Variants in ADK observed in about 807,000 individuals in gnomAD.
ADK encodes the protein N6,N6-dimethyladenosine kinase.
ADK carries 24 observed loss-of-function variants against 44.7 expected under a neutral mutation model. The ratio of observed to expected loss-of-function variants is 0.54; its 90% CI spans 0.39 to 0.76. ADK has a LOEUF of 0.76. ADK is among the 30% of genes least tolerant of loss of function. ADK has a pLI of 0.00. For missense variants in ADK, 321 were observed against 425.1 expected (o/e 0.76, Z 2.15); for synonymous variants, 128 against 142.6 (o/e 0.90, Z 0.73).
chr10:74,708,241 T>C, intron 10 of ADK, 80 bp from the exon 11 acceptor site: 1 of 1,448,474 alleles, frequency 6.9e-7, no homozygotes, highest in Non-Finnish European at 9.5e-7. Flanking sequence ...GGTGCTTAGA[T>C]CATATATTGG....
chr10:74,655,676 G>A (rs543101783), intron 9 of ADK: 6 of 468,740 alleles, frequency 1.3e-5, no homozygotes, highest in Middle Eastern at 1.1e-3. Context: ...CGGGCCTCCC[G>A]AAGGACATAT....
chr10:74,437,393 T>G (rs1181307464), intron 6 of ADK, among the ~76,000 whole-genome samples: 2 of 152,316 alleles, frequency 1.3e-5, no homozygotes, highest in East Asian at 3.9e-4. Context: ...TTTAGATTAT[T>G]ATATGCAAAT....
At chr10:74,567,699 G>GTTTTTT (rs56042541) in intron 7 of ADK, among the ~76,000 whole-genome samples, 1 of 112,360 alleles carries the variant, frequency 8.9e-6, no homozygotes. Flanking sequence ...TGTTTTTTTT[G>GTTTTTT]TTTTTTTTTT....
At chr10:74,302,128 T>G (rs149663094) in intron 3 of ADK, among the ~76,000 whole-genome samples, 46,959 of 89,312 alleles carry the variant, frequency 0.53, 13,979 homozygotes, top group Non-Finnish European at 0.62. Context: ...TTTTTTTTTT[T>G]TTTTTTTTTT....
intron 7 of ADK, among the ~76,000 whole-genome samples, chr10:74,543,652 C>A (rs963970521): frequency 6.6e-6 from 1 of 152,090 alleles, no homozygotes; most frequent in Non-Finnish European, 1.5e-5. Context: ...TAGGTGAATG[C>A]CTGTTTTTAA....
intron 10 of ADK, 50 bp from the exon 11 acceptor site, chr10:74,708,271 T>TCTG: frequency 6.3e-7 from 1 of 1,596,854 alleles, no homozygotes; most frequent in Non-Finnish European, 8.5e-7. Flanking sequence ...ATATGACATT[T>TCTG]CTGCTGCTGT....
intron 1 of ADK, among the ~76,000 whole-genome samples, chr10:74,197,574 C>A (rs556072924): frequency 6.6e-6 from 1 of 151,972 alleles, no homozygotes; most frequent in Non-Finnish European, 1.5e-5. Flanking sequence ...GTGGTGGGCA[C>A]CTGTAATCCC....
At chr10:74,406,517 TAATAATAATAAG>T (rs1465172718) in intron 6 of ADK, among the ~76,000 whole-genome samples, 86 of 52,240 alleles carry the variant, frequency 1.6e-3, no homozygotes, top group East Asian at 0.012. Context: ...ATAATAATAA[TAATAATAATAAG>T]AAGAAGAAGA....
intron 9 of ADK, among the ~76,000 whole-genome samples, chr10:74,619,941 C>T (rs771103981): frequency 6.6e-6 from 1 of 152,120 alleles, no homozygotes; most frequent in Non-Finnish European, 1.5e-5. Flanking sequence ...AGGCTGGTCT[C>T]AAACTCCTGA....
At chr10:74,263,211 AC>A (rs1179911417) in intron 3 of ADK, among the ~76,000 whole-genome samples, 3 of 152,112 alleles carry the variant, frequency 2.0e-5, no homozygotes, top group Non-Finnish European at 2.9e-5. Flanking sequence ...AAAAAGAGAA[AC>A]TTTGCTTTTT....
chr10:74,298,415 T>A (rs570136479), intron 3 of ADK, among the ~76,000 whole-genome samples: 21 of 152,222 alleles, frequency 1.4e-4, no homozygotes, highest in African/African-American at 4.8e-4. Flanking sequence ...ATTACATTTT[T>A]AAAAATATCA....
At chr10:74,278,327 C>A (rs1846779362) in intron 3 of ADK, among the ~76,000 whole-genome samples, 1 of 135,664 alleles carries the variant, frequency 7.4e-6, no homozygotes, top group Non-Finnish European at 1.5e-5. Flanking sequence ...GCACTCCAGT[C>A]TGGGTGACAG....
intron 3 of ADK, among the ~76,000 whole-genome samples, chr10:74,224,852 A>G (rs1433103668): frequency 1.3e-5 from 2 of 152,200 alleles, no homozygotes; most frequent in Non-Finnish European, 2.9e-5. Context: ...ACTGGGAAAT[A>G]TGTCATGCTA....
At chr10:74,371,889 C>A in intron 4 of ADK, 1 of 1,478,298 alleles carries the variant, frequency 6.8e-7, no homozygotes, top group South Asian at 1.1e-5. Context: ...CTTCCAAGAG[C>A]CACGGCTTCT....
At chr10:74,209,352 C>T (rs116533803) in intron 2 of ADK, among the ~76,000 whole-genome samples, 2,007 of 152,178 alleles carry the variant, frequency 0.013, 52 homozygotes, top group African/African-American at 0.046. Flanking sequence ...GTGCCTTAAC[C>T]GTGGATTTCC....
intron 4 of ADK, among the ~76,000 whole-genome samples, chr10:74,326,275 A>G (rs1841006424): frequency 6.6e-6 from 1 of 152,142 alleles, no homozygotes; most frequent in African/African-American, 2.4e-5. Flanking sequence ...TTTTTTAAAA[A>G]TAATTTGAGA....
At chr10:74,559,162 T>TG (rs1313338407) in intron 7 of ADK, among the ~76,000 whole-genome samples, 1 of 152,244 alleles carries the variant, frequency 6.6e-6, no homozygotes, top group Non-Finnish European at 1.5e-5. Flanking sequence ...GCCACCCTGC[T>TG]GTGTGTCAGC....
chr10:74,673,028 A>G (rs79560169), intron 10 of ADK, among the ~76,000 whole-genome samples: 2,674 of 152,324 alleles, frequency 0.018, 71 homozygotes, highest in African/African-American at 0.061. Flanking sequence ...AGAACCACAG[A>G]CCAGCCTTCC....
intron 6 of ADK, among the ~76,000 whole-genome samples, chr10:74,519,387 G>T (rs1470873098): frequency 6.6e-6 from 1 of 151,884 alleles, no homozygotes; most frequent in Non-Finnish European, 1.5e-5. Context: ...TCATGTACAT[G>T]TAGCTTCTTC....
Sources: gnomAD v4.1 joint callset for allele counts (sites outside exome capture counted in the v4.1 genomes callset) on GRCh38, gnomAD v4.1.1 for gene constraint, MANE v1.5 for transcripts, NCBI Gene and HGNC (gene_info 2026-07-23, HGNC 2026-07-21) for gene names.